Variants in RALGPS1 observed in about 807,000 individuals in gnomAD.
The protein encoded by RALGPS1 is ras-specific guanine nucleotide-releasing factor RalGPS1.
In RALGPS1, 19 loss-of-function variants were observed where a neutral mutation model predicts 78.8. That is an observed-to-expected ratio of 0.24 (90% CI 0.17 to 0.35). The LOEUF (loss-of-function observed/expected upper bound fraction) is 0.35. RALGPS1 is among the 10% of genes least tolerant of loss of function. RALGPS1 has a pLI of 1.00. For missense variants in RALGPS1, 454 were observed against 688.3 expected (o/e 0.66, Z 3.81); for synonymous variants, 228 against 256.3 (o/e 0.89, Z 1.06).
At chr9:126,940,049 G>A (rs2131395171) in intron 1 of RALGPS1, among the ~76,000 whole-genome samples, 1 of 152,286 alleles carries the variant, frequency 6.6e-6, no homozygotes, top group South Asian at 2.1e-4. Context: ...CAGGGGTGTG[G>A]CTACTCATCC....
intron 4 of RALGPS1, among the ~76,000 whole-genome samples, chr9:126,984,517 T>TA (rs1283217428): frequency 2.0e-5 from 3 of 152,242 alleles, no homozygotes; most frequent in African/African-American, 4.8e-5. Flanking sequence ...GTGCCCCACT[T>TA]ACCTTTAATG....
At chr9:127,195,287 G>A in intron 12 of RALGPS1, 70 bp downstream of exon 12, 1 of 1,564,958 alleles carries the variant, frequency 6.4e-7, no homozygotes, top group Middle Eastern at 1.7e-4. Flanking sequence ...CACAGTGCAG[G>A]GAATCACTTG....
intron 8 of RALGPS1, among the ~76,000 whole-genome samples, chr9:127,157,401 A>T (rs985527838): frequency 6.6e-6 from 1 of 152,094 alleles, no homozygotes; most frequent in Admixed American, 6.5e-5. Flanking sequence ...ATACAAAGAG[A>T]TGTAGATAAA....
At chr9:127,133,549 AGCCCCACCCT>A (rs1337562087) in intron 8 of RALGPS1, among the ~76,000 whole-genome samples, 6 of 152,186 alleles carry the variant, frequency 3.9e-5, no homozygotes, top group African/African-American at 1.4e-4. Flanking sequence ...AGTAGGGACA[AGCCCCACCCT>A]GCCACCCACT....
At chr9:127,159,490 C>G (rs997262631) in intron 8 of RALGPS1, among the ~76,000 whole-genome samples, 1 of 152,232 alleles carries the variant, frequency 6.6e-6, no homozygotes, top group African/African-American at 2.4e-5. Context: ...TGCCATGTGA[C>G]TGCCTGCGCC....
At chr9:126,957,510 T>C (rs1211802110) in intron 1 of RALGPS1, among the ~76,000 whole-genome samples, 1 of 152,202 alleles carries the variant, frequency 6.6e-6, no homozygotes, top group East Asian at 1.9e-4. Context: ...TGGTCTCCTG[T>C]GGTGACTCTC....
chr9:127,062,610 G>T (rs1178637849), intron 7 of RALGPS1, among the ~76,000 whole-genome samples: 1 of 152,154 alleles, frequency 6.6e-6, no homozygotes, highest in Non-Finnish European at 1.5e-5. Context: ...TATTCCCATG[G>T]TGATAATCAG....
chr9:127,001,526 AGT>A (rs950642014), intron 4 of RALGPS1, among the ~76,000 whole-genome samples: 1 of 152,174 alleles, frequency 6.6e-6, no homozygotes, highest in African/African-American at 2.4e-5. Context: ...CATTTACAAC[AGT>A]GTATGTCTAT....
chr9:127,146,666 C>T (rs542213516), intron 8 of RALGPS1, among the ~76,000 whole-genome samples: 4 of 151,670 alleles, frequency 2.6e-5, no homozygotes, highest in South Asian at 2.1e-4. Context: ...GCCTTAGTCT[C>T]GTGAGTAGCT....
chr9:126,968,117 C>G lies in RALGPS1; in HGVS notation c.165+2166C>G, dbSNP rs2039716891. On this transcript the variant is annotated intron_variant, in intron 3 of 18. Transcript: ENST00000259351. The stretch of plus-strand genomic sequence containing the variant: ...TCCCAGGTTCAAGTAATTCTCCTGT[C>G]TCAGCCTCCCGAGTAGCTGGGATTA... 4.0e-5 allele frequency among the ~76,000 whole-genome samples: 6 copies of G among 150,770 alleles called. No individual in the cohort carries two copies. In the South Asian group the frequency reaches 1.3e-3, roughly 31 times the overall value.
At chr9:127,119,013 A>G (rs1488143846) in intron 8 of RALGPS1, among the ~76,000 whole-genome samples, 1 of 152,174 alleles carries the variant, frequency 6.6e-6, no homozygotes, top group East Asian at 1.9e-4. Context: ...AAGCGCATCA[A>G]TAGTATCTTA....
At chr9:127,038,015 C>G (rs569780377) in intron 5 of RALGPS1, among the ~76,000 whole-genome samples, 13 of 152,194 alleles carry the variant, frequency 8.5e-5, no homozygotes, top group Non-Finnish European at 1.5e-5. Context: ...GAAAGGAAGA[C>G]AGATAGTTAT....
chr9:126,930,956 A>G (rs1162163776), intron 1 of RALGPS1, among the ~76,000 whole-genome samples: 6 of 152,224 alleles, frequency 3.9e-5, no homozygotes, highest in Non-Finnish European at 8.8e-5. Context: ...AGGTTGTGCT[A>G]TGAGTGAGAG....
intron 10 of RALGPS1, among the ~76,000 whole-genome samples, chr9:127,169,451 A>G (rs1031719081): frequency 3.3e-5 from 5 of 152,004 alleles, no homozygotes; most frequent in African/African-American, 1.2e-4. Flanking sequence ...ATTTGGAGGG[A>G]AAAGAAGGAT....
At chr9:127,121,385 C>T (rs2137722350) in intron 8 of RALGPS1, among the ~76,000 whole-genome samples, 1 of 152,322 alleles carries the variant, frequency 6.6e-6, no homozygotes, top group Non-Finnish European at 1.5e-5. Flanking sequence ...TGGAAAAATA[C>T]ATGTGGGGAG....
chr9:127,164,314 C>T (rs2059175280), intron 8 of RALGPS1, among the ~76,000 whole-genome samples: 1 of 152,104 alleles, frequency 6.6e-6, no homozygotes, highest in Non-Finnish European at 1.5e-5. Context: ...CAGCTCACTG[C>T]AACCTCCGCC....
At chr9:127,043,741 G>T (rs1463757514) in intron 5 of RALGPS1, among the ~76,000 whole-genome samples, 1 of 152,118 alleles carries the variant, frequency 6.6e-6, no homozygotes, top group Non-Finnish European at 1.5e-5. Flanking sequence ...ATTTACTCTT[G>T]AAACTCAACA....
intron 8 of RALGPS1, among the ~76,000 whole-genome samples, chr9:127,082,899 G>T (rs2051316834): frequency 6.6e-6 from 1 of 152,092 alleles, no homozygotes; most frequent in Non-Finnish European, 1.5e-5. Flanking sequence ...TATCCCTATT[G>T]AGAAACACAG....
chr9:126,988,254 T>G (rs2041981547), intron 4 of RALGPS1, among the ~76,000 whole-genome samples: 1 of 152,014 alleles, frequency 6.6e-6, no homozygotes, highest in South Asian at 2.1e-4. Context: ...CTGGCATCTT[T>G]GAGGAGCATG....
Sources: allele counts gnomAD v4.1 joint callset (sites outside exome capture counted in the v4.1 genomes callset), GRCh38; gene constraint gnomAD v4.1.1; transcripts MANE v1.5; gene names NCBI Gene and HGNC (gene_info 2026-07-23, HGNC 2026-07-21).